Variants in TMEM26 observed in about 807,000 individuals in gnomAD.
The protein encoded by TMEM26 is transmembrane protein 26.
A neutral mutation model predicts 28.8 loss-of-function variants in TMEM26; 38 were observed. The observed-to-expected ratio is 1.32, with a 90% CI of 1.02 to 1.73. The LOEUF is 1.73. Ranked by LOEUF, TMEM26 falls within the 40% of genes most tolerant of loss-of-function variation. The pLI, the probability that TMEM26 is intolerant of heterozygous loss-of-function variation, is 0.00. For synonymous variants in TMEM26, 227 were observed against 182.9 expected, an observed-to-expected ratio of 1.24 and a Z score of -1.95; for missense variants, 518 against 447.1, an observed-to-expected ratio of 1.16 and a Z score of -1.43.
chr10:61,435,638 T>C (rs1322020456), intron 2 of TMEM26, among the ~76,000 whole-genome samples: 1 of 152,226 alleles, frequency 6.6e-6, no homozygotes, highest in East Asian at 1.9e-4. Context: ...CTCCCAAAAA[T>C]TAATCTCCTG....
chr10:61,448,598 G>A (rs539209574), intron 1 of TMEM26, among the ~76,000 whole-genome samples: 3 of 150,158 alleles, frequency 2.0e-5, no homozygotes, highest in Admixed American at 6.7e-5. Flanking sequence ...AATGTCGACC[G>A]TGTTTGTTTT....
intron 3 of TMEM26, among the ~76,000 whole-genome samples, 177 bp downstream of exon 3, chr10:61,431,042 T>C (rs1245708366): frequency 1.3e-5 from 2 of 151,998 alleles, no homozygotes; most frequent in Admixed American, 6.6e-5. Context: ...TATATACTTA[T>C]GCATATTAAA....
At chr10:61,430,101 T>G (rs1489604667) in intron 3 of TMEM26, among the ~76,000 whole-genome samples, 1 of 152,004 alleles carries the variant, frequency 6.6e-6, no homozygotes, top group Non-Finnish European at 1.5e-5. Flanking sequence ...TTTGCGTACA[T>G]CATATTTAAT....
rs1839543145 is a variant in TMEM26 at position 61,410,081 on chromosome 10, C to T, written c.*241G>A. ...CAAACAGTTCAAGACAAACAAATCA[C>T]TTAGTCGTTGAACAACTATAACATC... On this transcript the variant is annotated 3_prime_UTR_variant, in exon 6 of 6. Coordinates refer to ENST00000399298, the MANE Select transcript of TMEM26 (RefSeq NM_178505.8). The T allele has an allele frequency of 1.9e-6, 1 of 536,952 alleles. No homozygotes were observed. Among genetic ancestry groups the T allele is most frequent in the Admixed American group, 3.4e-5 (1 of 29,248 alleles). 33.3% of individuals were successfully genotyped at this position (536,952 alleles called of 1,614,324 possible). A position where few individuals can be genotyped will look rare whatever the true frequency, so the allele number is the denominator to read the frequency against.
intron 1 of TMEM26, among the ~76,000 whole-genome samples, chr10:61,440,733 A>G (rs1252014333): frequency 2.0e-5 from 3 of 152,148 alleles, no homozygotes; most frequent in Non-Finnish European, 4.4e-5. Context: ...ACATATGTGC[A>G]TATGTATATG....
chr10:61,419,049 C>A (rs779167792), intron 4 of TMEM26, among the ~76,000 whole-genome samples: 15 of 152,176 alleles, frequency 9.9e-5, no homozygotes, highest in Middle Eastern at 3.4e-3. Flanking sequence ...ACCACTAAGA[C>A]ATCGAACTAA....
At chr10:61,450,689 C>G (rs183265414) in intron 1 of TMEM26, among the ~76,000 whole-genome samples, 1 of 151,662 alleles carries the variant, frequency 6.6e-6, no homozygotes, top group Non-Finnish European at 1.5e-5. Flanking sequence ...AGATACTATG[C>G]CAGCAAGATT....
chr10:61,419,055 A>G (rs999349203), intron 4 of TMEM26, among the ~76,000 whole-genome samples: 22 of 152,180 alleles, frequency 1.4e-4, no homozygotes, highest in Admixed American at 6.6e-4. Context: ...AAGACATCGA[A>G]CTAAAAATAA....
At chr10:61,438,990 A>T (rs973536813) in intron 1 of TMEM26, among the ~76,000 whole-genome samples, 3 of 152,194 alleles carry the variant, frequency 2.0e-5, no homozygotes, top group Non-Finnish European at 4.4e-5. Context: ...TATTCAACTC[A>T]ATCCTCAGCC....
intron 4 of TMEM26, among the ~76,000 whole-genome samples, chr10:61,422,187 C>T (rs977345790): frequency 6.6e-6 from 1 of 152,030 alleles, no homozygotes. Flanking sequence ...AAAAGAGAAA[C>T]AGACATTCCA....
intron 1 of TMEM26, among the ~76,000 whole-genome samples, chr10:61,442,531 T>A (rs1169638330): frequency 6.6e-6 from 1 of 152,190 alleles, no homozygotes; most frequent in African/African-American, 2.4e-5. Flanking sequence ...TTCAATTGAA[T>A]CCAGATTTTA....
chr10:61,445,928 A>G (rs991740382), intron 1 of TMEM26, among the ~76,000 whole-genome samples: 1 of 152,216 alleles, frequency 6.6e-6, no homozygotes, highest in Non-Finnish European at 1.5e-5. Flanking sequence ...ATTTAAAAGT[A>G]GGAATATATT....
intron 1 of TMEM26, among the ~76,000 whole-genome samples, chr10:61,439,494 A>T (rs561357105): frequency 2.0e-5 from 3 of 152,378 alleles, no homozygotes; most frequent in African/African-American, 7.2e-5. Flanking sequence ...GACTACTGAT[A>T]TCTACAAGGA....
At chr10:61,449,781 T>C (rs1840245982) in intron 1 of TMEM26, among the ~76,000 whole-genome samples, 1 of 152,188 alleles carries the variant, frequency 6.6e-6, no homozygotes, top group African/African-American at 2.4e-5. Flanking sequence ...ATGGAAGGTT[T>C]TTTTTTCCTT....
rs774929107 is a variant in TMEM26 at position 61,453,057 on chromosome 10, C to A, written c.25G>T (p.Ala9Ser). The A allele has an allele frequency of 3.1e-6, 5 of 1,613,522 alleles. No homozygotes were observed. Among genetic ancestry groups the A allele is most frequent in the African/African-American group, 1.3e-5 (1 of 75,040 alleles). ...AGGAACAGCAACCGAGTGGCCAGGG[C>A]GTTAAGGAAGACCAGTCCCTCCATG... MEGLVFLN[A>S]LATRLLFLLH... Residue 9 changes from alanine (A) to serine (S), a missense_variant, in exon 1 of 6, where the codon GCC becomes TCC. Physicochemically the swap from Ala to Ser is moderately conservative, Grantham distance 99 (BLOSUM62 1). Transcript: ENST00000399298.
In TMEM26 at chr10:61,452,940, G is replaced by A; in HGVS notation, c.142C>T (p.Leu48=). 1 of 1,614,074 alleles carries A rather than the reference G, an allele frequency of 6.2e-7. No individual in the cohort carries two copies. The highest frequency in any genetic ancestry group is 1.1e-5 in the South Asian group (1 of 91,074). The change falls in exon 1 of 6, where the codon CTG becomes TTG. Residue 48 remains leucine, a synonymous_variant. Transcript: ENST00000399298. ...AACTTGAGGGTGAGCGCAGTCTCCA[G>A]GAAGAGCAAGAGGTTGAGCAGCGCA... is the stretch of plus-strand genomic sequence containing the variant. The part of the protein sequence containing the change: ...LLALLNLLLF[L]ETALTLKFKR...
chr10:61,437,835 C>T (rs2135322870), intron 1 of TMEM26, among the ~76,000 whole-genome samples: 1 of 152,210 alleles, frequency 6.6e-6, no homozygotes, highest in South Asian at 2.1e-4. Flanking sequence ...TTAGAGGACT[C>T]TTGCTTTGCA....
chr10:61,419,336 T>C (rs1368539538), intron 4 of TMEM26, among the ~76,000 whole-genome samples: 2 of 152,040 alleles, frequency 1.3e-5, no homozygotes, highest in African/African-American at 4.8e-5. Context: ...TCTACTGAGG[T>C]CCAGATATTG....
At chr10:61,437,616 G>A (rs953624930) in intron 1 of TMEM26, among the ~76,000 whole-genome samples, 3 of 151,888 alleles carry the variant, frequency 2.0e-5, no homozygotes, top group East Asian at 1.9e-4. Context: ...AAAACCCATC[G>A]CTACTAAAAA....
Sources: allele counts gnomAD v4.1 joint callset (sites outside exome capture counted in the v4.1 genomes callset), GRCh38; gene constraint gnomAD v4.1.1; transcripts MANE v1.5; gene names NCBI Gene and HGNC (gene_info 2026-07-23, HGNC 2026-07-21).